TRIM66: variants seen among roughly 807,000 people sequenced by gnomAD.
TRIM66 encodes tripartite motif containing 66.
In TRIM66, 99 loss-of-function variants were observed where a neutral mutation model predicts 148.2. That is an observed-to-expected ratio of 0.67 (90% CI 0.57 to 0.79). TRIM66 has a LOEUF of 0.79. TRIM66 is among the 30% of genes least tolerant of loss of function. TRIM66 has a pLI of 0.00. For missense variants in TRIM66, 1,666 were observed against 1,697.9 expected, an observed-to-expected ratio of 0.98 and a Z score of 0.33; for synonymous variants, 616 against 635.9, an observed-to-expected ratio of 0.97 and a Z score of 0.47.
At position 8,625,151 on chromosome 11, in the gene TRIM66, G is replaced by A. The variant is rs2034694328; in HGVS notation, c.2388C>T (p.Pro796=). 7 of 1,548,642 alleles carry A rather than the reference G, an allele frequency of 4.5e-6. No individual in the cohort carries two copies. The highest frequency in any genetic ancestry group is 1.7e-4 in the Middle Eastern group (1 of 5,968). ...TCACACTCTGGATCTGTGGCTCTAG[G>A]GGCCTCTCCAACCTGGTAGATGACA... ...MELSSTRLER[P]LEPQIQSVSN... The change falls in exon 16 of 25, where the codon CCC becomes CCT. Residue 796 remains proline, a synonymous_variant. Coordinates refer to ENST00000646038, the MANE Select transcript of TRIM66 (RefSeq NM_001388022.1).
chr11:8,646,919 T>C (rs1003725937), intron 10 of TRIM66, among the ~76,000 whole-genome samples: 4 of 110,070 alleles, frequency 3.6e-5, no homozygotes, highest in Non-Finnish European at 5.6e-5. Flanking sequence ...CGCCATGAGG[T>C]AAAAAGAGGC....
rs2034163108 is a variant in TRIM66 at position 8,621,074 on chromosome 11, A to G, written c.3503T>C (p.Phe1168Ser). 6.4e-7 allele frequency: 1 copy of G among 1,551,686 alleles called. No individual in the cohort carries two copies. Among genetic ancestry groups the G allele is most frequent in the Admixed American group, 2.0e-5 (1 of 50,994 alleles). Residue 1168 changes from phenylalanine (F) to serine (S), a missense_variant, in exon 20 of 25, where the codon TTC (phenylalanine) becomes TCC (serine). Phe to Ser is a radical substitution (Grantham distance 155). Coordinates refer to ENST00000646038, the MANE Select transcript of TRIM66 (RefSeq NM_001388022.1). ...LLCCDRCPKV[F>S]HLSCHVPALL... ...GGCTGGCACATGGCAGGAGAGGTGG[A>G]ACACTTTGGGGCAGCGGTCACAGCA... is the stretch of plus-strand genomic sequence containing the variant.
intron 6 of TRIM66, among the ~76,000 whole-genome samples, chr11:8,661,539 G>A (rs1468978742): frequency 1.3e-5 from 2 of 152,212 alleles, no homozygotes. Context: ...TGGGCCTGGA[G>A]ACAGAGAGTC....
In TRIM66 at chr11:8,664,154, C is replaced by T. The variant is rs370571772; in HGVS notation, c.340+7632G>A. Among the ~76,000 whole-genome samples, 10 of 152,306 alleles carry T rather than the reference C, an allele frequency of 6.6e-5. No homozygotes were observed. The East Asian group carries it at 1.9e-3, about 29-fold the overall frequency. On this transcript the variant is annotated intron_variant, in intron 6 of 24. Coordinates refer to ENST00000646038, the MANE Select transcript of TRIM66 (RefSeq NM_001388022.1). ...AGTGTTCTCACCACCAAAATGATAACTATGTGAGGTGTTGTATATGTTAAC... is the reference window on the plus strand; with the variant it reads ...AGTGTTCTCACCACCAAAATGATAATTATGTGAGGTGTTGTATATGTTAAC...
intron 6 of TRIM66, among the ~76,000 whole-genome samples, chr11:8,654,902 C>T (rs769760098): frequency 2.6e-5 from 4 of 151,980 alleles, no homozygotes; most frequent in Non-Finnish European, 5.9e-5. Context: ...GCTCTGTCAC[C>T]CAGGGTGGAC....
chr11:8,678,601 G>A (rs895154024), intron 3 of TRIM66, among the ~76,000 whole-genome samples: 7 of 152,162 alleles, frequency 4.6e-5, no homozygotes, highest in African/African-American at 1.4e-4. Context: ...TCTTTCTGAA[G>A]TAAATTGGGA....
chr11:8,625,163 C>A lies in TRIM66; in HGVS notation c.2376G>T (p.Arg792Ser), dbSNP rs945873072. 11 of 1,543,786 alleles carry A rather than the reference C, an allele frequency of 7.1e-6. No individual in the cohort carries two copies. The African/African-American group carries it at 1.5e-4, about 21-fold the overall frequency. ...TCTGTGGCTCTAGGGGCCTCTCCAA[C>A]CTGGTAGATGACAACTCCATCTCCA... ...NTLEMELSST[R>S]LERPLEPQIQ... Residue 792 changes from arginine to serine, a missense_variant, in exon 16 of 25, where the codon AGG becomes AGT. Around this residue, in one of 3 missense-constraint regions of TRIM66, gnomAD observed 1,431 missense variants for 1,412.4 expected, o/e 1.01. Coordinates refer to ENST00000646038, the MANE Select transcript of TRIM66 (RefSeq NM_001388022.1).
Position 8,618,845 on chromosome 11 carries a change from C to T in TRIM66, c.4024G>A (p.Val1342Met), listed in dbSNP as rs2033926327. The T allele has an allele frequency of 6.4e-7, 1 of 1,551,472 alleles. No homozygotes were observed. Among genetic ancestry groups the T allele is most frequent in the African/African-American group, 1.4e-5 (1 of 73,108 alleles). Residue 1342 changes from valine to methionine, a missense_variant, in exon 24 of 25, where the codon GTG becomes ATG. Val to Met is a conservative substitution (Grantham distance 21). This residue lies in a region of TRIM66 where 204 missense variants were observed against 231.0 expected (regional missense o/e 0.88). Transcript: ENST00000646038. ...GTGGAACATCCACTCTCACTAGACA[C>T]CTCCTCGGAGTCTGAGTCCTCCTGC... ...PRQEDSDSEE[V>M]SSESGCSTPQ...
chr11:8,613,179 A>T lies in TRIM66; in HGVS notation c.*4765T>A, dbSNP rs1375505983. 1.3e-5 allele frequency: 2 copies of T among 152,194 alleles called. No homozygotes were observed. Among genetic ancestry groups the T allele is most frequent in the African/African-American group, 2.4e-5 (1 of 41,402 alleles). The allele number at this position is 152,194 out of a possible 1,614,324, so 9.4% of individuals were successfully genotyped here. ...TCCTCCCTACCCAACTCCTGAAAAG[A>T]AGAGACCACAGACAGCCACAGACAT... On this transcript the variant is annotated 3_prime_UTR_variant, in exon 25 of 25. Coordinates refer to ENST00000646038, the MANE Select transcript of TRIM66 (RefSeq NM_001388022.1).
rs1259877041 is a variant in TRIM66, at chr11:8,624,850, T to C, written c.2689A>G (p.Thr897Ala). The C allele has an allele frequency of 6.4e-6, 10 of 1,551,606 alleles. No homozygotes were observed. Among genetic ancestry groups the C allele is most frequent in the Non-Finnish European group, 8.7e-6 (10 of 1,146,998 alleles). ...GGAGGGATGCTCTGCAGAGGACAAG[T>C]TGCCAGACTCGGCACAGCCTGGGTG... ...GHTQAVPSLA[T>A]CPLQSIPPVS... Residue 897 changes from threonine (T) to alanine (A), a missense_variant, in exon 16 of 25, where the codon ACT becomes GCT. By Grantham distance (58) the Thr-to-Ala change is moderately conservative (BLOSUM62 0). Around this residue, in one of 3 missense-constraint regions of TRIM66, gnomAD observed 1,431 missense variants for 1,412.4 expected, o/e 1.01. Coordinates refer to ENST00000646038, the MANE Select transcript of TRIM66 (RefSeq NM_001388022.1).
chr11:8,661,852 CATCA>C (rs1185374130), intron 6 of TRIM66, among the ~76,000 whole-genome samples: 2 of 152,188 alleles, frequency 1.3e-5, no homozygotes, highest in Admixed American at 1.3e-4. Flanking sequence ...AGATCCCATC[CATCA>C]ATCACAGCCA....
At chr11:8,625,361 G>A in intron 15 of TRIM66, 133 bp from the exon 16 acceptor site, 1 of 1,002,508 alleles carries the variant, frequency 1.0e-6, no homozygotes, top group East Asian at 2.9e-5. Context: ...GCTGCTGGTA[G>A]CTGCCAGGAA....
chr11:8,638,899 C>T (rs1168664173), intron 14 of TRIM66, 84 bp from the exon 15 acceptor site: 6 of 1,403,308 alleles, frequency 4.3e-6, no homozygotes, highest in Non-Finnish European at 5.7e-6. Context: ...CTAGTGCTCA[C>T]CCTGCCATGT....
chr11:8,627,331 G>A (rs2034950206), intron 15 of TRIM66, among the ~76,000 whole-genome samples: 1 of 152,170 alleles, frequency 6.6e-6, no homozygotes. Context: ...TAGGTCTACT[G>A]ACAACTTAGT....
chr11:8,649,971 G>A lies in TRIM66; in HGVS notation c.445-84C>T. On this transcript the variant is annotated intron_variant, in intron 7 of 24. Transcript: ENST00000646038. ...AGTGGTAAATGCTCTAAAGACAGGG[G>A]TCCTGCAGGCCTATTCCTCCACCAG... 3 of 1,459,822 alleles carry A rather than the reference G, an allele frequency of 2.1e-6. No individual in the cohort carries two copies. In the South Asian group the frequency reaches 4.0e-5, roughly 20 times the overall value. The allele number at this position is 1,459,822 out of a possible 1,614,324, so 90.4% of individuals were successfully genotyped here. A position where few individuals can be genotyped will look rare whatever the true frequency, so the allele number is the denominator to read the frequency against.
Position 8,640,667 on chromosome 11 carries a change from C to T in TRIM66, c.1708G>A (p.Ala570Thr). 3.9e-6 allele frequency: 6 copies of T among 1,551,590 alleles called. No homozygotes were observed. The South Asian group carries it at 5.9e-5, about 15-fold the overall frequency. Reference protein sequence around the residue: ...PPQDVQQGAHAQPTLQTPSIQ... With the variant: ...PPQDVQQGAHTQPTLQTPSIQ... Reference sequence around the variant, plus strand: ...GAGGGTGTCTGTAAGGTGGGCTGGGCATGGGCTCCTTGCTGAACATCCTGT... The same window carrying T: ...GAGGGTGTCTGTAAGGTGGGCTGGGTATGGGCTCCTTGCTGAACATCCTGT... Residue 570 changes from alanine (A) to threonine (T), a missense_variant, in exon 14 of 25, where the codon GCC becomes ACC. Physicochemically the swap from Ala to Thr is moderately conservative, Grantham distance 58 (BLOSUM62 0). Transcript: ENST00000646038.
chr11:8,630,114 C>T (rs552094125), intron 15 of TRIM66, among the ~76,000 whole-genome samples: 2 of 152,150 alleles, frequency 1.3e-5, no homozygotes, highest in Non-Finnish European at 2.9e-5. Flanking sequence ...GCTAGTGCTA[C>T]AAGATGGGTG....
At chr11:8,660,196 C>T (rs144800362) in intron 6 of TRIM66, among the ~76,000 whole-genome samples, 1 of 152,188 alleles carries the variant, frequency 6.6e-6, no homozygotes, top group South Asian at 2.1e-4. Context: ...AGATCCTTCA[C>T]AATTTGGCCC....
chr11:8,640,610 G>C lies in TRIM66; in HGVS notation c.1765C>G (p.Leu589Val), dbSNP rs1044120150. Residue 589 changes from leucine to valine, a missense_variant, in exon 14 of 25, where the codon CTG becomes GTG. This residue lies in a region of TRIM66 where 1,431 missense variants were observed against 1,412.4 expected (regional missense o/e 1.01). Transcript: ENST00000646038. ...TGCTGCTGAAAGTGACTGAGCTTCA[G>C]CTTCTGGTGGTGGCCAAACTGGACT... ...IQVQFGHHQK[L>V]KLSHFQQQPQ... 3.2e-6 allele frequency: 5 copies of C among 1,551,490 alleles called. No homozygotes were observed. The African/African-American group carries it at 6.8e-5, about 21-fold the overall frequency.
Sources: allele counts gnomAD v4.1 joint callset (sites outside exome capture counted in the v4.1 genomes callset), GRCh38; gene constraint gnomAD v4.1.1; regional missense constraint gnomAD v4.1.1; transcripts MANE v1.5; gene names NCBI Gene and HGNC (gene_info 2026-07-23, HGNC 2026-07-21).